The following DLG2 variants were observed in gnomAD, a reference collection of about 807,000 sequenced individuals.
DLG2 encodes the protein disks large homolog 2.
In DLG2, 45 loss-of-function variants were observed where a neutral mutation model predicts 132.5. The observed-to-expected ratio is 0.34, with a 90% confidence interval of 0.27 to 0.44. The LOEUF (loss-of-function observed/expected upper bound fraction) is 0.44, where lower values mean the gene tolerates loss of function less well. DLG2 is among the 20% of genes least tolerant of loss of function. DLG2 has a pLI of 1.00. For missense variants in DLG2, 1,045 were observed against 1,196.9 expected, an observed-to-expected ratio of 0.87 and a Z score of 1.87; for synonymous variants, 424 against 419.6, an observed-to-expected ratio of 1.01 and a Z score of -0.13.
chr11:83,921,153 T>C (rs985323412), intron 15 of DLG2, among the ~76,000 whole-genome samples: 29 of 152,254 alleles, frequency 1.9e-4, no homozygotes, highest in African/African-American at 7.0e-4. Context: ...CTGTGGAGAT[T>C]AATGAGTTAA....
intron 18 of DLG2, among the ~76,000 whole-genome samples, chr11:83,756,929 T>C (rs1276470380): frequency 6.6e-6 from 1 of 152,176 alleles, no homozygotes; most frequent in African/African-American, 2.4e-5. Context: ...GTGTCTTAGG[T>C]ATTACAGATA....
intron 21 of DLG2, among the ~76,000 whole-genome samples, chr11:83,490,405 A>G (rs926173607): frequency 2.0e-5 from 3 of 152,006 alleles, no homozygotes; most frequent in African/African-American, 7.2e-5. Context: ...GATAAAAGAA[A>G]AGCTCTTCTT....
At chr11:84,999,811 T>G (rs1328893292) in intron 6 of DLG2, among the ~76,000 whole-genome samples, 2 of 152,154 alleles carry the variant, frequency 1.3e-5, no homozygotes, top group Non-Finnish European at 2.9e-5. Flanking sequence ...AGAAAACTCT[T>G]GCCTGGGGCT....
chr11:84,988,027 A>C (rs1023261373), intron 6 of DLG2, among the ~76,000 whole-genome samples: 6 of 152,244 alleles, frequency 3.9e-5, no homozygotes, highest in Non-Finnish European at 7.3e-5. Flanking sequence ...ACATCTGGCA[A>C]AGGACTAATA....
chr11:84,725,915 T>A (rs1321790008), intron 6 of DLG2, among the ~76,000 whole-genome samples: 2 of 152,116 alleles, frequency 1.3e-5, no homozygotes, highest in Non-Finnish European at 2.9e-5. Flanking sequence ...AATCTCTTTA[T>A]ACTGAACAAT....
intron 3 of DLG2, among the ~76,000 whole-genome samples, chr11:85,459,187 C>T (rs2092521611): frequency 6.6e-6 from 1 of 152,178 alleles, no homozygotes. Context: ...AGGTCACTAC[C>T]ACTGCAGTGG....
At position 85,453,405 on chromosome 11, in the gene DLG2, A is replaced by T. The variant is rs545924490; in HGVS notation, c.40+145252T>A. On this transcript the variant is annotated intron_variant, in intron 3 of 27. Transcript: ENST00000376104. ...TCTCTACCCGTTCTAGAATCATTCC[A>T]GGATTGGAATACTGATAAAAGGGAC... 3 of 180,008 alleles carry T rather than the reference A, an allele frequency of 1.7e-5. No individual in the cohort carries two copies. The South Asian group carries it at 4.0e-4, about 24-fold the overall frequency. 11.2% of individuals were successfully genotyped at this position (180,008 alleles called of 1,614,324 possible).
At chr11:84,741,056 C>CTTTTTTT (rs1163275954) in intron 6 of DLG2, among the ~76,000 whole-genome samples, 11 of 79,330 alleles carry the variant, frequency 1.4e-4, no homozygotes, top group African/African-American at 2.9e-4. Flanking sequence ...TGCCTATGCT[C>CTTTTTTT]TTTTTTTTTT....
chr11:83,653,522 G>C (rs190255359), intron 18 of DLG2, among the ~76,000 whole-genome samples: 187 of 152,236 alleles, frequency 1.2e-3, no homozygotes, highest in Admixed American at 1.6e-3. Context: ...GGGCCCCTGA[G>C]AATTCCTTGA....
chr11:84,709,308 G>C (rs991084819), intron 6 of DLG2, among the ~76,000 whole-genome samples: 1 of 151,490 alleles, frequency 6.6e-6, no homozygotes, highest in Non-Finnish European at 1.5e-5. Context: ...CCTGAGTCTT[G>C]GGTATGAACA....
chr11:85,427,011 G>A (rs1033546042), intron 3 of DLG2, among the ~76,000 whole-genome samples: 2 of 152,200 alleles, frequency 1.3e-5, no homozygotes, highest in African/African-American at 2.4e-5. Context: ...TCGATCAACT[G>A]TAAGAAAGCG....
intron 4 of DLG2, among the ~76,000 whole-genome samples, chr11:85,205,900 C>G (rs1264339086): frequency 6.6e-6 from 1 of 152,124 alleles, no homozygotes; most frequent in East Asian, 1.9e-4. Flanking sequence ...ACACAGAATA[C>G]TTGCATTCCT....
intron 8 of DLG2, among the ~76,000 whole-genome samples, chr11:84,212,552 C>G (rs1338356688): frequency 6.6e-6 from 1 of 152,148 alleles, no homozygotes; most frequent in East Asian, 1.9e-4. Context: ...CCATTTAAAC[C>G]TATTTAAAAA....
chr11:83,932,705 T>G (rs750155293), intron 14 of DLG2, among the ~76,000 whole-genome samples: 2,066 of 11,794 alleles, frequency 0.18, 11 homozygotes, highest in East Asian at 0.5. Context: ...GAATAGATAA[T>G]TTTTTTTTTT....
chr11:85,176,940 T>A (rs2079298844), intron 4 of DLG2, among the ~76,000 whole-genome samples: 2 of 151,934 alleles, frequency 1.3e-5, no homozygotes, highest in African/African-American at 4.8e-5. Flanking sequence ...ATGGCGATTA[T>A]TAAAGTCAAG....
chr11:83,496,895 G>T (rs1464390202), intron 21 of DLG2, among the ~76,000 whole-genome samples: 1 of 152,172 alleles, frequency 6.6e-6, no homozygotes, highest in African/African-American at 2.4e-5. Context: ...CTTGTCTCAG[G>T]AGGTGGTTTT....
chr11:84,407,734 G>T (rs1401889411), intron 7 of DLG2, among the ~76,000 whole-genome samples: 1 of 152,186 alleles, frequency 6.6e-6, no homozygotes, highest in Admixed American at 6.5e-5. Context: ...TGATTTCACA[G>T]ATAAGGCACT....
intron 6 of DLG2, among the ~76,000 whole-genome samples, chr11:84,748,812 G>T (rs1674117269): frequency 6.6e-6 from 1 of 152,146 alleles, no homozygotes; most frequent in African/African-American, 2.4e-5. Flanking sequence ...GCTATGAGAG[G>T]TTACACAAAG....
chr11:85,224,161 G>A (rs1380740788), intron 4 of DLG2, among the ~76,000 whole-genome samples: 1 of 152,092 alleles, frequency 6.6e-6, no homozygotes, highest in Admixed American at 6.6e-5. Flanking sequence ...CAGTGTCTGA[G>A]ATTATTATGC....
Sources: gnomAD v4.1 joint callset for allele counts (sites outside exome capture counted in the v4.1 genomes callset) on GRCh38, gnomAD v4.1.1 for gene constraint, MANE v1.5 for transcripts, NCBI Gene and HGNC (gene_info 2026-07-23, HGNC 2026-07-21) for gene names.